LCOR: variants seen among roughly 807,000 people sequenced by gnomAD.
LCOR encodes ligand-dependent corepressor.
Under a neutral mutation model 64.4 loss-of-function variants are expected in LCOR, and 14 were observed. The ratio of observed to expected loss-of-function variants is 0.22; its 90% CI spans 0.14 to 0.34. The LOEUF (loss-of-function observed/expected upper bound fraction) is 0.34. LCOR is among the 10% of genes least tolerant of loss of function. The probability of loss-of-function intolerance (pLI) is 1.00; values close to 1 mark genes in which losing one functional copy is unlikely to be tolerated. For synonymous variants in LCOR, 643 were observed against 642.5 expected, an observed-to-expected ratio of 1.00 and a Z score of -0.01; for missense variants, 1,686 against 1,765.3, an observed-to-expected ratio of 0.96 and a Z score of 0.80.
intron 4 of LCOR, among the ~76,000 whole-genome samples, chr10:96,920,517 CAG>C (rs1847039932): frequency 1.0e-4 from 12 of 115,736 alleles, no homozygotes; most frequent in East Asian, 4.7e-4. Context: ...TATGTATATT[CAG>C]ATATATGTGT....
chr10:96,839,243 A>G (rs1234141524), intron 2 of LCOR, among the ~76,000 whole-genome samples: 4 of 152,190 alleles, frequency 2.6e-5, no homozygotes, highest in Non-Finnish European at 5.9e-5. Context: ...AGAATTGTGT[A>G]TATATTCTGG....
rs1353935308 is a variant in LCOR, at chr10:96,990,338, C to G, written c.*5204C>G. The G allele has an allele frequency of 6.6e-6, 1 of 151,976 alleles. No individual in the cohort carries two copies. The highest frequency in any genetic ancestry group is 6.5e-5 in the Admixed American group (1 of 15,268). 9.4% of individuals were successfully genotyped at this position (151,976 alleles called of 1,614,324 possible). ...TGCAGGCTCAAAGAGATTTTCACAC[C>G]TCAGCCTCCTGAGTAGCTGGGACTA... On this transcript the variant is annotated 3_prime_UTR_variant, in exon 8 of 8. Coordinates refer to ENST00000421806, the MANE Select transcript of LCOR (RefSeq NM_001346516.2).
chr10:96,891,096 A>G (rs2134432318), intron 2 of LCOR, among the ~76,000 whole-genome samples: 1 of 152,194 alleles, frequency 6.6e-6, no homozygotes, highest in East Asian at 1.9e-4. Flanking sequence ...GAAGAGTTGA[A>G]GGAAGGATTG....
intron 2 of LCOR, among the ~76,000 whole-genome samples, chr10:96,856,667 G>A (rs1381256302): frequency 6.6e-6 from 1 of 151,724 alleles, no homozygotes; most frequent in East Asian, 1.9e-4. Flanking sequence ...TGTGGAGATA[G>A]GGTTTTCCTA....
intron 4 of LCOR, among the ~76,000 whole-genome samples, chr10:96,936,520 C>T (rs994521160): frequency 1.3e-5 from 2 of 152,068 alleles, no homozygotes; most frequent in Non-Finnish European, 2.9e-5. Flanking sequence ...ACTCAAGTTA[C>T]TAATCACAAA....
chr10:96,874,667 C>T (rs370268680), intron 2 of LCOR, among the ~76,000 whole-genome samples: 140 of 150,674 alleles, frequency 9.3e-4, no homozygotes, highest in African/African-American at 3.1e-3. Flanking sequence ...GACAGAGTTT[C>T]GCTCTTGTTG....
chr10:96,943,348 C>T (rs1379724392), intron 4 of LCOR, among the ~76,000 whole-genome samples: 3 of 152,216 alleles, frequency 2.0e-5, no homozygotes, highest in African/African-American at 2.4e-5. Flanking sequence ...CCGCCCGCCT[C>T]GGCCTCCCTA....
intron 7 of LCOR, chr10:96,958,983 G>T (rs953080603): frequency 4.8e-5 from 7 of 146,158 alleles, no homozygotes; most frequent in African/African-American, 2.5e-5. Flanking sequence ...TATAGGTTTT[G>T]TAAAGTTAGT....
rs761391612 is a variant in LCOR at position 96,983,542 on chromosome 10, A to G, written c.3082A>G (p.Lys1028Glu). ...AAGTGGTGATGCTGCTAGGGCACCA[A>G]AATCGGTGCCAAGGCCTAAAAGATT... ...SGSGDAARAP[K>E]SVPRPKRLTS... Residue 1028 changes from lysine to glutamate, a missense_variant, in exon 8 of 8, where the codon AAA becomes GAA. Physicochemically the swap from Lys to Glu is moderately conservative, Grantham distance 56. Coordinates refer to ENST00000421806, the MANE Select transcript of LCOR (RefSeq NM_001346516.2). The surrounding 1 kb of genome is among the most constrained non-coding windows in gnomAD (Gnocchi z 4.5). 6.8e-6 allele frequency: 11 copies of G among 1,613,986 alleles called. No individual in the cohort carries two copies. The highest frequency in any genetic ancestry group is 2.2e-5 in the East Asian group (1 of 44,888).
intron 4 of LCOR, among the ~76,000 whole-genome samples, chr10:96,910,275 G>C (rs1399051860): frequency 6.6e-6 from 1 of 152,140 alleles, no homozygotes; most frequent in Non-Finnish European, 1.5e-5. Context: ...CTGTTTTACT[G>C]TTTGTAGTTC....
At chr10:96,870,460 C>G (rs1323411772) in intron 2 of LCOR, among the ~76,000 whole-genome samples, 1 of 152,194 alleles carries the variant, frequency 6.6e-6, no homozygotes. Context: ...CATATTACAG[C>G]CTTGCCAAAT....
intron 2 of LCOR, among the ~76,000 whole-genome samples, chr10:96,868,400 G>C (rs952794501): frequency 6.6e-6 from 1 of 150,756 alleles, no homozygotes; most frequent in African/African-American, 2.4e-5. Context: ...TCAGCTTCCC[G>C]AGTAGCTGGG....
At chr10:96,914,448 C>T (rs1204477041) in intron 4 of LCOR, among the ~76,000 whole-genome samples, 2 of 152,316 alleles carry the variant, frequency 1.3e-5, no homozygotes, top group East Asian at 1.9e-4. Flanking sequence ...GCGCCTGCCT[C>T]GGCCTCCCAA....
chr10:96,866,868 G>T (rs1456540554), intron 2 of LCOR, among the ~76,000 whole-genome samples: 2 of 152,102 alleles, frequency 1.3e-5, no homozygotes, highest in Admixed American at 1.3e-4. Context: ...CAGCCACCGT[G>T]CCCAGCCCCA....
chr10:96,939,295 A>G (rs1847406241), intron 4 of LCOR, among the ~76,000 whole-genome samples: 1 of 152,218 alleles, frequency 6.6e-6, no homozygotes, highest in Non-Finnish European at 1.5e-5. Flanking sequence ...CCAACTGAGT[A>G]TCCACATGGA....
At chr10:96,881,196 C>A (rs956254913) in intron 2 of LCOR, among the ~76,000 whole-genome samples, 1 of 152,130 alleles carries the variant, frequency 6.6e-6, no homozygotes, top group African/African-American at 2.4e-5. Context: ...AGATTTGAAT[C>A]CCAGCCTCTC....
chr10:96,943,502 C>T (rs1847534149), intron 4 of LCOR, among the ~76,000 whole-genome samples: 1 of 152,210 alleles, frequency 6.6e-6, no homozygotes, highest in South Asian at 2.1e-4. Context: ...TTTTTCAGTT[C>T]ATTTTGCTAA....
chr10:96,853,033 T>G (rs1845746086), intron 2 of LCOR, among the ~76,000 whole-genome samples: 1 of 152,154 alleles, frequency 6.6e-6, no homozygotes, highest in Non-Finnish European at 1.5e-5. Context: ...TACACTTTAT[T>G]TTGTTATTGT....
At chr10:96,835,046 G>A (rs1564596107) in intron 2 of LCOR, among the ~76,000 whole-genome samples, 1 of 152,098 alleles carries the variant, frequency 6.6e-6, no homozygotes, top group African/African-American at 2.4e-5. Flanking sequence ...GACTACAGGC[G>A]TGCGCCACCA....
Sources: allele counts gnomAD v4.1 joint callset (sites outside exome capture counted in the v4.1 genomes callset), GRCh38; gene constraint gnomAD v4.1.1; non-coding constraint Gnocchi (gnomAD v3.1); transcripts MANE v1.5; gene names NCBI Gene and HGNC (gene_info 2026-07-23, HGNC 2026-07-21).